The following FNIP2 variants were observed in gnomAD, a reference collection of about 807,000 sequenced individuals.
The protein encoded by FNIP2 is folliculin interacting protein 2.
FNIP2 carries 32 observed loss-of-function variants against 108.7 expected under a neutral mutation model. The observed-to-expected ratio is 0.29, with a 90% CI of 0.22 to 0.40. The LOEUF (loss-of-function observed/expected upper bound fraction) is 0.40, where lower values mean the gene tolerates loss of function less well. FNIP2 is among the 10% of genes least tolerant of loss of function. The pLI, the probability that FNIP2 is intolerant of heterozygous loss-of-function variation, is 1.00. For missense variants in FNIP2, 1,202 were observed against 1,381.6 expected, an observed-to-expected ratio of 0.87 and a Z score of 2.06; for synonymous variants, 480 against 496.7, an observed-to-expected ratio of 0.97 and a Z score of 0.45.
intron 15 of FNIP2, among the ~76,000 whole-genome samples, chr4:158,892,435 A>G (rs1782339985): frequency 6.6e-6 from 1 of 152,190 alleles, no homozygotes; most frequent in South Asian, 2.1e-4. Flanking sequence ...AAATACAAAC[A>G]ACAGACAGAG....
intron 16 of FNIP2, among the ~76,000 whole-genome samples, chr4:158,896,433 T>G (rs1782681839): frequency 6.6e-6 from 1 of 152,226 alleles, no homozygotes; most frequent in Non-Finnish European, 1.5e-5. Context: ...CTAGGGGAAG[T>G]AATTCTTACT....
At chr4:158,810,279 TAG>T (rs1467406303) in intron 1 of FNIP2, among the ~76,000 whole-genome samples, 1 of 152,190 alleles carries the variant, frequency 6.6e-6, no homozygotes, top group East Asian at 1.9e-4. Flanking sequence ...ATGAAGTGGG[TAG>T]AGAGAAAAAA....
chr4:158,785,659 AT>A (rs1776201387), intron 1 of FNIP2, among the ~76,000 whole-genome samples: 1 of 143,758 alleles, frequency 7.0e-6, no homozygotes, highest in Non-Finnish European at 1.5e-5. Context: ...TATTTACTCC[AT>A]TTTTTTCTTT....
chr4:158,854,331 C>A (rs1779864207), intron 8 of FNIP2, among the ~76,000 whole-genome samples: 1 of 152,214 alleles, frequency 6.6e-6, no homozygotes, highest in African/African-American at 2.4e-5. Context: ...TCCCTCCTCT[C>A]TCCTCTCCCC....
intron 1 of FNIP2, among the ~76,000 whole-genome samples, chr4:158,800,157 CTG>C (rs1175353415): frequency 6.6e-6 from 1 of 152,154 alleles, no homozygotes; most frequent in Non-Finnish European, 1.5e-5. Context: ...TTCCTTATCT[CTG>C]TGTTGTCTGG....
intron 1 of FNIP2, among the ~76,000 whole-genome samples, chr4:158,775,724 G>A (rs1300046999): frequency 2.0e-5 from 3 of 151,998 alleles, no homozygotes; most frequent in Non-Finnish European, 4.4e-5. Flanking sequence ...CTTTCTGTTT[G>A]TGCCAGAATA....
Position 158,904,449 on chromosome 4 carries a change from C to A in FNIP2, c.3267-17C>A. On this transcript the variant is annotated splice_polypyrimidine_tract_variant and intron_variant, in intron 16 of 16. Coordinates refer to ENST00000264433, the MANE Select transcript of FNIP2 (RefSeq NM_020840.3). The stretch of plus-strand genomic sequence containing the variant: ...TGCTCTTTTAAAGTAATATTCTTTT[C>A]TTTTCTCAATATTCAGGATTGAATC... 2 of 1,600,128 alleles carry A rather than the reference C, an allele frequency of 1.2e-6. No individual in the cohort carries two copies. Among genetic ancestry groups the A allele is most frequent in the South Asian group, 2.2e-5 (2 of 90,754 alleles).
intron 14 of FNIP2, among the ~76,000 whole-genome samples, chr4:158,882,199 G>C (rs905866908): frequency 6.7e-5 from 10 of 148,854 alleles, no homozygotes; most frequent in African/African-American, 2.5e-4. Flanking sequence ...CAGCCGCCCC[G>C]TCTGAGAAGT....
At chr4:158,888,993 C>G (rs1782155784) in intron 14 of FNIP2, among the ~76,000 whole-genome samples, 1 of 151,964 alleles carries the variant, frequency 6.6e-6, no homozygotes, top group Admixed American at 6.6e-5. Flanking sequence ...AGTTTGAGAC[C>G]AGCCTGGGCA....
intron 1 of FNIP2, chr4:158,806,040 CT>C (rs11378632): frequency 0.084 from 53,597 of 639,884 alleles, no homozygotes; most frequent in Non-Finnish European, 0.094. Context: ...AATGTTCCAC[CT>C]TTTTTTTTTT....
At chr4:158,871,153 T>A (rs1390290404) in intron 14 of FNIP2, among the ~76,000 whole-genome samples, 4 of 152,222 alleles carry the variant, frequency 2.6e-5, no homozygotes, top group Non-Finnish European at 5.9e-5. Context: ...TAAAGATTAA[T>A]AAGTCTCACT....
In FNIP2 at chr4:158,883,430, A is replaced by C. The variant is rs1425213133; in HGVS notation, c.2950-8016A>C. ...CTAATTTTTTGTATTTTTAGTAGAG[A>C]CGGGGTTTCACCGTGTTAGCCAGGA... On this transcript the variant is annotated intron_variant, in intron 14 of 16. Transcript: ENST00000264433. Among the ~76,000 whole-genome samples, 3 of 151,896 alleles carry C rather than the reference A, an allele frequency of 2.0e-5. 1 individual carries two copies. The highest frequency in any genetic ancestry group is 3.9e-4 in the East Asian group (2 of 5,186).
intron 3 of FNIP2, among the ~76,000 whole-genome samples, chr4:158,829,437 C>T (rs1258263906): frequency 6.6e-6 from 1 of 152,040 alleles, no homozygotes; most frequent in East Asian, 1.9e-4. Context: ...GGTAATACAG[C>T]CTACTGTGAA....
chr4:158,832,259 A>G, intron 5 of FNIP2, 121 bp downstream of exon 5: 1 of 751,170 alleles, frequency 1.3e-6, no homozygotes, highest in Non-Finnish European at 2.1e-6. Flanking sequence ...CCAAATTAAC[A>G]AAGGGGCTTT....
Position 158,833,792 on chromosome 4 carries a change from C to T in FNIP2, c.655+164C>T, listed in dbSNP as rs181372089. On this transcript the variant is annotated intron_variant, in intron 6 of 16. Coordinates refer to ENST00000264433, the MANE Select transcript of FNIP2 (RefSeq NM_020840.3). ...TTGTTTGCCCTCTTCTATGTGTTTC[C>T]ATCTCTAGGTCTGCTGCAAGCATGC... 6.9e-4 allele frequency: 1,043 copies of T among 1,522,466 alleles called. 3 individuals carry two copies. In the African/African-American group the frequency reaches 0.012, roughly 17 times the overall value. The allele number at this position is 1,522,466 out of a possible 1,614,324, so 94.3% of individuals were successfully genotyped here.
At chr4:158,871,848 C>G in intron 14 of FNIP2, 1 of 985,296 alleles carries the variant, frequency 1.0e-6, no homozygotes. Flanking sequence ...AAGAAAAATG[C>G]CCTCATTGTA....
chr4:158,809,549 T>C (rs776965250), intron 1 of FNIP2, among the ~76,000 whole-genome samples: 15 of 152,370 alleles, frequency 9.8e-5, no homozygotes, highest in Non-Finnish European at 1.0e-4. Context: ...TCTTAAAATA[T>C]TGACTATAGC....
chr4:158,821,461 G>A (rs1777877207), intron 1 of FNIP2, among the ~76,000 whole-genome samples: 1 of 152,226 alleles, frequency 6.6e-6, no homozygotes, highest in Non-Finnish European at 1.5e-5. Context: ...AAAGCACCAG[G>A]AACTGTGGTC....
chr4:158,772,453 AT>A (rs1775727391), intron 1 of FNIP2, among the ~76,000 whole-genome samples: 1 of 152,158 alleles, frequency 6.6e-6, no homozygotes, highest in South Asian at 2.1e-4. Flanking sequence ...AACCCCTAAA[AT>A]GTGTATTTAG....
Sources: allele counts gnomAD v4.1 joint callset (sites outside exome capture counted in the v4.1 genomes callset), GRCh38; gene constraint gnomAD v4.1.1; transcripts MANE v1.5; gene names NCBI Gene and HGNC (gene_info 2026-07-23, HGNC 2026-07-21).